PEX7: variants seen among roughly 807,000 people sequenced by gnomAD.
PEX7 encodes PTS2 receptor.
PEX7 carries 34 observed loss-of-function variants against 47.5 expected under a neutral mutation model. The observed-to-expected ratio is 0.72, with a 90% confidence interval of 0.54 to 0.95. PEX7 has a LOEUF of 0.95. Ranked by LOEUF, PEX7 falls within the 40% of genes least tolerant of loss-of-function variation. The pLI is 0.00. For synonymous variants in PEX7, 141 were observed against 148.8 expected, an observed-to-expected ratio of 0.95 and a Z score of 0.38; for missense variants, 394 against 400.3, an observed-to-expected ratio of 0.98 and a Z score of 0.13.
At chr6:136,850,917 G>GTTTTT (rs35220728) in intron 5 of PEX7, among the ~76,000 whole-genome samples, 6 of 69,156 alleles carry the variant, frequency 8.7e-5, no homozygotes, top group Non-Finnish European at 1.0e-4. Flanking sequence ...AAAACTGATG[G>GTTTTT]TTTTTTTTTT....
chr6:136,879,611 C>T (rs899178972), intron 8 of PEX7, among the ~76,000 whole-genome samples: 2 of 152,190 alleles, frequency 1.3e-5, no homozygotes, highest in African/African-American at 4.8e-5. Context: ...GTTTTTCTTG[C>T]TGCAGGCTCA....
intron 5 of PEX7, among the ~76,000 whole-genome samples, chr6:136,866,036 T>C (rs998511865): frequency 4.0e-5 from 6 of 151,674 alleles, no homozygotes; most frequent in African/African-American, 7.3e-5. Context: ...TGAGCCGATA[T>C]CGTGCCACTG....
At chr6:136,865,943 C>T (rs1395795724) in intron 5 of PEX7, among the ~76,000 whole-genome samples, 4 of 151,898 alleles carry the variant, frequency 2.6e-5, no homozygotes, top group South Asian at 4.2e-4. Context: ...ATTAGCTGGG[C>T]GTGGTGGTGT....
Position 136,872,171 on chromosome 6 carries a change from GTTTTTTTTTTC to G in PEX7, c.748-16_748-6del, listed in dbSNP as rs778517107. Reference sequence around the variant, plus strand: ...ATAATCACAGCTGACTTCAAAAAGGGTTTTTTTTTTCTTTTTTTTTTTGTAGTTTTCACCAT... The same window carrying G: ...ATAATCACAGCTGACTTCAAAAAGGGTTTTTTTTTTTGTAGTTTTCACCAT... On this transcript the variant is annotated splice_polypyrimidine_tract_variant and intron_variant, in intron 7 of 9. Transcript: ENST00000318471. 4.3e-6 allele frequency: 6 copies of G among 1,394,348 alleles called. No individual in the cohort carries two copies. Among genetic ancestry groups the G allele is most frequent in the Non-Finnish European group, 5.9e-6 (6 of 1,016,100 alleles). The allele number at this position is 1,394,348 out of a possible 1,614,324, so 86.4% of individuals were successfully genotyped here.
chr6:136,908,297 A>C (rs1470125843), intron 9 of PEX7, among the ~76,000 whole-genome samples: 2 of 152,228 alleles, frequency 1.3e-5, no homozygotes, highest in African/African-American at 2.4e-5. Context: ...AAAATGAAAT[A>C]ATTAAAAATA....
chr6:136,862,803 C>T (rs113265024), intron 5 of PEX7, among the ~76,000 whole-genome samples: 1 of 152,306 alleles, frequency 6.6e-6, no homozygotes, highest in African/African-American at 2.4e-5. Context: ...GAATGAGGTA[C>T]TGTGGTTGGT....
chr6:136,892,479 C>A (rs1444470672), intron 8 of PEX7, among the ~76,000 whole-genome samples: 1 of 152,092 alleles, frequency 6.6e-6, no homozygotes, highest in Non-Finnish European at 1.5e-5. Flanking sequence ...TTTGGGGCTG[C>A]CATTTATTAG....
chr6:136,822,990 A>C (rs945976198), intron 1 of PEX7, 195 bp downstream of exon 1: 1 of 985,338 alleles, frequency 1.0e-6, no homozygotes, highest in Admixed American at 6.1e-5. Context: ...CTGAAGCAGG[A>C]GTCGATCTTC....
chr6:136,838,978 T>C (rs1774444475), intron 3 of PEX7, among the ~76,000 whole-genome samples: 1 of 152,280 alleles, frequency 6.6e-6, no homozygotes, highest in East Asian at 1.9e-4. Flanking sequence ...GCCCAGGATT[T>C]AGAGACCAGC....
chr6:136,826,873 AGTATATTG>A (rs1774202417), intron 3 of PEX7, among the ~76,000 whole-genome samples: 2 of 152,150 alleles, frequency 1.3e-5, no homozygotes, highest in African/African-American at 4.8e-5. Context: ...GGTGTTTCAG[AGTATATTG>A]GAGCAAGAGC....
At chr6:136,904,339 A>G (rs748139943) in intron 9 of PEX7, among the ~76,000 whole-genome samples, 4 of 152,214 alleles carry the variant, frequency 2.6e-5, no homozygotes, top group Non-Finnish European at 2.9e-5. Context: ...TCGCCAAGCC[A>G]TAAAACATTT....
intron 5 of PEX7, among the ~76,000 whole-genome samples, chr6:136,857,805 G>A (rs1774887999): frequency 6.6e-6 from 1 of 152,170 alleles, no homozygotes; most frequent in Non-Finnish European, 1.5e-5. Context: ...GTGACTGGCA[G>A]AGTAAAAGCT....
At chr6:136,837,267 C>A (rs774809343) in intron 3 of PEX7, among the ~76,000 whole-genome samples, 2 of 142,818 alleles carry the variant, frequency 1.4e-5, no homozygotes, top group Non-Finnish European at 3.0e-5. Flanking sequence ...GAGGCTGAGG[C>A]GGGAGAATGG....
At chr6:136,827,847 G>A (rs1774224678) in intron 3 of PEX7, among the ~76,000 whole-genome samples, 1 of 151,826 alleles carries the variant, frequency 6.6e-6, no homozygotes, top group South Asian at 2.1e-4. Context: ...TTGTGTGTGT[G>A]TGTTTTTTTG....
chr6:136,842,958 A>G lies in PEX7; in HGVS notation c.340-2657A>G, dbSNP rs369190816. ...GGGCTTTAAGATCTGTGTATAGGTA[A>G]TTCATGAAAACACAGTGGAATCAAT... On this transcript the variant is annotated intron_variant, in intron 3 of 9. Transcript: ENST00000318471. 2.0e-4 allele frequency among the ~76,000 whole-genome samples: 30 copies of G among 152,324 alleles called. 1 individual carries two copies. Among genetic ancestry groups the G allele is most frequent in the Admixed American group, 9.1e-4 (14 of 15,304 alleles).
intron 8 of PEX7, among the ~76,000 whole-genome samples, chr6:136,881,936 T>C (rs1390591193): frequency 6.6e-6 from 1 of 152,000 alleles, no homozygotes; most frequent in Non-Finnish European, 1.5e-5. Context: ...CTTGGAAAAA[T>C]TGAGATTTAT....
At chr6:136,836,867 C>T (rs1472765375) in intron 3 of PEX7, among the ~76,000 whole-genome samples, 6 of 151,988 alleles carry the variant, frequency 3.9e-5, no homozygotes, top group Non-Finnish European at 8.8e-5. Context: ...GCAGGAGAAT[C>T]GCTTGAACCC....
intron 9 of PEX7, among the ~76,000 whole-genome samples, chr6:136,904,722 C>T (rs1467786829): frequency 2.0e-5 from 3 of 151,782 alleles, no homozygotes; most frequent in African/African-American, 7.3e-5. Flanking sequence ...CCTCCCCAGC[C>T]ATGTGGAACT....
rs1424846175 is a variant in PEX7, at chr6:136,866,654, T to C, written c.554T>C (p.Val185Ala). The C allele has an allele frequency of 1.9e-6, 3 of 1,614,078 alleles. No individual in the cohort carries two copies. The Admixed American group carries it at 5.0e-5, about 27-fold the overall frequency. Residue 185 changes from valine to alanine, a missense_variant, in exon 6 of 10, where the codon GTG becomes GCG. Coordinates refer to ENST00000318471, the MANE Select transcript of PEX7 (RefSeq NM_000288.4). ...GATCAGACTCTGAGAATATGGGATGTGAAGGCAGCAGGAGTAAGAATCGTG... is the reference window on the plus strand; with the variant it reads ...GATCAGACTCTGAGAATATGGGATGCGAAGGCAGCAGGAGTAAGAATCGTG... Reference protein sequence around the residue: ...SGDQTLRIWDVKAAGVRIVIP... With the variant: ...SGDQTLRIWDAKAAGVRIVIP...
Sources: gnomAD v4.1 joint callset for allele counts (sites outside exome capture counted in the v4.1 genomes callset) on GRCh38, gnomAD v4.1.1 for gene constraint, MANE v1.5 for transcripts, NCBI Gene and HGNC (gene_info 2026-07-23, HGNC 2026-07-21) for gene names.